Variants in EYA4 observed in about 807,000 individuals in gnomAD.
EYA4 encodes the protein EYA transcriptional coactivator and phosphatase 4.
A neutral mutation model predicts 87.9 loss-of-function variants in EYA4; 31 were observed. That is an observed-to-expected ratio of 0.35 (90% CI 0.27 to 0.48). The LOEUF is 0.48. EYA4 is among the 20% of genes least tolerant of loss of function. The probability of loss-of-function intolerance (pLI) is 0.99; values close to 1 mark genes in which losing one functional copy is unlikely to be tolerated. For missense variants in EYA4, 678 were observed against 761.4 expected, an observed-to-expected ratio of 0.89 and a Z score of 1.29; for synonymous variants, 263 against 270.6, an observed-to-expected ratio of 0.97 and a Z score of 0.28.
intron 2 of EYA4, among the ~76,000 whole-genome samples, chr6:133,347,283 T>C (rs1389262857): frequency 1.3e-5 from 2 of 152,234 alleles, no homozygotes; most frequent in Non-Finnish European, 2.9e-5. Context: ...CATATGCTTT[T>C]CCATTTCTCT....
At chr6:133,271,276 T>C (rs1453758777) in intron 1 of EYA4, among the ~76,000 whole-genome samples, 1 of 152,152 alleles carries the variant, frequency 6.6e-6, no homozygotes, top group African/African-American at 2.4e-5. Flanking sequence ...AAAAGGCCAT[T>C]CCACCATTCT....
At chr6:133,400,836 A>G (rs1267056586) in intron 3 of EYA4, among the ~76,000 whole-genome samples, 1 of 152,130 alleles carries the variant, frequency 6.6e-6, no homozygotes, top group African/African-American at 2.4e-5. Flanking sequence ...TTTCTTACTC[A>G]ATTGCCATAA....
chr6:133,530,516 A>G lies in EYA4; in HGVS notation c.*1711A>G. 1 of 985,788 alleles carries G rather than the reference A, an allele frequency of 1.0e-6. No individual in the cohort carries two copies. 61.1% of individuals were successfully genotyped at this position (985,788 alleles called of 1,614,324 possible). ...ATGTGGATCCTGGAGTCAGGCTACT[A>G]GTCAGTGCCCCTAGCCAGAGGCTGG... On this transcript the variant is annotated 3_prime_UTR_variant, in exon 20 of 20. Coordinates refer to ENST00000355286, the MANE Select transcript of EYA4 (RefSeq NM_004100.5).
At chr6:133,289,286 C>A (rs1324340673) in intron 2 of EYA4, among the ~76,000 whole-genome samples, 1 of 152,146 alleles carries the variant, frequency 6.6e-6, no homozygotes, top group African/African-American at 2.4e-5. Flanking sequence ...ATTCTTTTTA[C>A]AGGAGGCAAA....
intron 2 of EYA4, among the ~76,000 whole-genome samples, chr6:133,331,393 C>A (rs973702183): frequency 2.0e-5 from 3 of 152,114 alleles, no homozygotes; most frequent in Non-Finnish European, 4.4e-5. Flanking sequence ...TAAGGACCTA[C>A]TGATGCCTAG....
Position 133,462,713 on chromosome 6 carries a change from G to A in EYA4, c.673G>A (p.Gly225Arg). 2 of 1,613,820 alleles carry A rather than the reference G, an allele frequency of 1.2e-6. 1 individual carries two copies. Residue 225 changes from glycine to arginine, a missense_variant, in exon 9 of 20, where the codon GGG becomes AGG. By Grantham distance (125) the Gly-to-Arg change is moderately radical. Coordinates refer to ENST00000355286, the MANE Select transcript of EYA4 (RefSeq NM_004100.5). ...GAGTGGCTGCCTCAGTTACAGCCCA[G>A]GGTTCTCTACCCCACAGCCAGGCCA... Reference protein sequence around the residue: ...LQSGCLSYSPGFSTPQPGQTP... With the variant: ...LQSGCLSYSPRFSTPQPGQTP...
At chr6:133,258,438 C>T (rs888653374) in intron 1 of EYA4, among the ~76,000 whole-genome samples, 5 of 152,260 alleles carry the variant, frequency 3.3e-5, no homozygotes, top group African/African-American at 1.2e-4. Context: ...TCACCAAATT[C>T]GTTTCTTTCC....
chr6:133,319,781 A>G (rs935451620), intron 2 of EYA4, among the ~76,000 whole-genome samples: 3 of 151,558 alleles, frequency 2.0e-5, no homozygotes, highest in Non-Finnish European at 4.4e-5. Flanking sequence ...CAGTGGTACA[A>G]TCAGAGCTCA....
At chr6:133,242,919 C>T (rs1025344858) in intron 1 of EYA4, among the ~76,000 whole-genome samples, 4 of 152,122 alleles carry the variant, frequency 2.6e-5, no homozygotes, top group Non-Finnish European at 4.4e-5. Flanking sequence ...TCTCTCACCG[C>T]GTCTCCTGCG....
chr6:133,440,256 T>C (rs1004560077), intron 3 of EYA4, among the ~76,000 whole-genome samples: 3 of 152,212 alleles, frequency 2.0e-5, no homozygotes, highest in African/African-American at 7.2e-5. Context: ...TTAGCACATA[T>C]AAATGACACC....
intron 3 of EYA4, among the ~76,000 whole-genome samples, chr6:133,445,680 A>G (rs1303613901): frequency 3.3e-5 from 5 of 150,160 alleles, no homozygotes; most frequent in Non-Finnish European, 7.4e-5. Context: ...CCAGGTTCAC[A>G]CCACTCTCCT....
At chr6:133,333,742 A>G (rs139329701) in intron 2 of EYA4, among the ~76,000 whole-genome samples, 3 of 152,158 alleles carry the variant, frequency 2.0e-5, no homozygotes, top group African/African-American at 7.2e-5. Flanking sequence ...TAGCAAGAAC[A>G]CTTAATATAT....
chr6:133,479,803 G>GTAAT (rs1432442901), intron 11 of EYA4, among the ~76,000 whole-genome samples: 1 of 152,108 alleles, frequency 6.6e-6, no homozygotes, highest in African/African-American at 2.4e-5. Context: ...TACTCATATA[G>GTAAT]TAATTCTGAC....
intron 3 of EYA4, 69 bp downstream of exon 3, chr6:133,382,510 T>C (rs748723286): frequency 7.5e-5 from 74 of 992,070 alleles, no homozygotes; most frequent in Non-Finnish European, 9.5e-5. Context: ...TAAGATGTTA[T>C]ACCTGAGACA....
At chr6:133,453,710 C>CCTTA (rs1037081695) in intron 5 of EYA4, 74 of 152,120 alleles carry the variant, frequency 4.9e-4, no homozygotes, top group African/African-American at 1.6e-3. Flanking sequence ...TTTGTTCTAC[C>CCTTA]CTTGCATAGG....
At chr6:133,345,420 T>C (rs1284545722) in intron 2 of EYA4, among the ~76,000 whole-genome samples, 1 of 152,182 alleles carries the variant, frequency 6.6e-6, no homozygotes, top group African/African-American at 2.4e-5. Context: ...CATAGACATA[T>C]GTACACAAAC....
At chr6:133,275,141 A>G (rs1022129962) in intron 2 of EYA4, among the ~76,000 whole-genome samples, 2 of 152,154 alleles carry the variant, frequency 1.3e-5, no homozygotes, top group African/African-American at 4.8e-5. Context: ...GATATGCTGG[A>G]TATTGTTGAA....
rs560836367 is a variant in EYA4, at chr6:133,481,970, C to T, written c.1107+371C>T. Among the ~76,000 whole-genome samples the T allele has an allele frequency of 5.3e-5, 8 of 152,172 alleles. No individual in the cohort carries two copies. The South Asian group carries it at 1.7e-3, about 32-fold the overall frequency. ...AGTAATGGAAGATGTCCAAATGGGT[C>T]ATTAAGTTTAAAAAGATGAAAGTAA... On this transcript the variant is annotated intron_variant, in intron 12 of 19. Coordinates refer to ENST00000355286, the MANE Select transcript of EYA4 (RefSeq NM_004100.5).
chr6:133,485,165 T>G (rs1170916998), intron 13 of EYA4, among the ~76,000 whole-genome samples: 3 of 152,172 alleles, frequency 2.0e-5, no homozygotes, highest in Non-Finnish European at 2.9e-5. Context: ...ACCTGTCAGC[T>G]CCCAGGATGT....
Sources: gnomAD v4.1 joint callset for allele counts (sites outside exome capture counted in the v4.1 genomes callset) on GRCh38, gnomAD v4.1.1 for gene constraint, MANE v1.5 for transcripts, NCBI Gene and HGNC (gene_info 2026-07-23, HGNC 2026-07-21) for gene names.